The following OR3A2 variants were observed in gnomAD, a reference collection of about 807,000 sequenced individuals.
OR3A2 encodes olfactory receptor family 3 subfamily A member 2, also known as olfactory receptor 3A2.
For missense variants in OR3A2, 318 were observed against 392.8 expected, an observed-to-expected ratio of 0.81 and a Z score of 1.61; for synonymous variants, 126 against 159.3, an observed-to-expected ratio of 0.79 and a Z score of 1.57.
chr17:3,336,569 C>T (rs1463523997), intron 2 of OR3A2, among the ~76,000 whole-genome samples: 1 of 152,082 alleles, frequency 6.6e-6, no homozygotes, highest in Non-Finnish European at 1.5e-5. Flanking sequence ...TTAATGGTAG[C>T]CAACCAAGAG....
chr17:3,326,366 C>G (rs979558340), intron 3 of OR3A2, among the ~76,000 whole-genome samples: 13 of 151,986 alleles, frequency 8.6e-5, no homozygotes, highest in African/African-American at 3.1e-4. Flanking sequence ...AGAAGAAAAT[C>G]TAGGCAATAC....
chr17:3,376,587 G>T (rs1258536461), intron 2 of OR3A2, among the ~76,000 whole-genome samples: 1 of 152,110 alleles, frequency 6.6e-6, no homozygotes, highest in Non-Finnish European at 1.5e-5. Flanking sequence ...GCAGTGACAG[G>T]TGTCACCCAG....
At chr17:3,284,189 G>A (rs926888885) in intron 1 of OR3A2, among the ~76,000 whole-genome samples, 169 bp downstream of exon 3, 4 of 149,376 alleles carry the variant, frequency 2.7e-5, no homozygotes, top group Admixed American at 6.7e-5. Context: ...AGGCGAGCAC[G>A]GGGAAAACCA....
intron 3 of OR3A2, among the ~76,000 whole-genome samples, chr17:3,305,618 T>C (rs1445310921): frequency 6.6e-6 from 1 of 152,198 alleles, no homozygotes; most frequent in East Asian, 1.9e-4. Context: ...AAGTATGCAA[T>C]GGTTAAGTGA....
At chr17:3,289,347 T>C (rs2048843453), upstream of OR3A2, among the ~76,000 whole-genome samples, 1 of 152,210 alleles carries the variant, frequency 6.6e-6, no homozygotes, top group Non-Finnish European at 1.5e-5. Context: ...CCCAAATTGA[T>C]AAAGAAACCG....
At chr17:3,357,562 G>A (rs1319158827) in intron 2 of OR3A2, among the ~76,000 whole-genome samples, 1 of 151,688 alleles carries the variant, frequency 6.6e-6, no homozygotes, top group African/African-American at 2.4e-5. Flanking sequence ...GGGAGGAGAG[G>A]AGAAGGAGAG....
chr17:3,321,516 T>C (rs1009767417), intron 3 of OR3A2, among the ~76,000 whole-genome samples: 2 of 152,086 alleles, frequency 1.3e-5, no homozygotes, highest in African/African-American at 2.4e-5. Flanking sequence ...GGCTGTGGGT[T>C]TGTCATAGAT....
At chr17:3,374,147 G>T (rs1158655399) in intron 2 of OR3A2, among the ~76,000 whole-genome samples, 1 of 152,168 alleles carries the variant, frequency 6.6e-6, no homozygotes, top group Non-Finnish European at 1.5e-5. Flanking sequence ...GGCTTGTAGG[G>T]CTTCTGTTGA....
At chr17:3,374,399 C>T (rs897323545) in intron 2 of OR3A2, among the ~76,000 whole-genome samples, 3 of 152,140 alleles carry the variant, frequency 2.0e-5, no homozygotes, top group African/African-American at 7.2e-5. Context: ...GTTTTCCAAA[C>T]TTTTAGATTT....
At chr17:3,308,580 G>A (rs181457630) in intron 3 of OR3A2, among the ~76,000 whole-genome samples, 7 of 152,276 alleles carry the variant, frequency 4.6e-5, no homozygotes, top group African/African-American at 7.2e-5. Flanking sequence ...CGCTACTCAC[G>A]GGGAGGATGG....
intron 2 of OR3A2, among the ~76,000 whole-genome samples, chr17:3,354,582 A>ATG (rs2049448867): frequency 6.6e-6 from 1 of 151,282 alleles, no homozygotes. Flanking sequence ...TGATCCTTCA[A>ATG]AGTTCCGTGG....
chr17:3,373,892 C>T (rs2150666174), intron 2 of OR3A2, among the ~76,000 whole-genome samples: 1 of 152,122 alleles, frequency 6.6e-6, no homozygotes, highest in Admixed American at 6.5e-5. Flanking sequence ...GTTTTATAGG[C>T]CCTGTGAAAT....
chr17:3,351,955 G>A (rs1457220989), intron 2 of OR3A2, among the ~76,000 whole-genome samples: 1 of 152,162 alleles, frequency 6.6e-6, no homozygotes, highest in Non-Finnish European at 1.5e-5. Context: ...CTTAATAAAT[G>A]GTGCTGGGAA....
At chr17:3,374,562 T>C (rs2049662889) in intron 2 of OR3A2, among the ~76,000 whole-genome samples, 1 of 152,246 alleles carries the variant, frequency 6.6e-6, no homozygotes, top group African/African-American at 2.4e-5. Flanking sequence ...TTCTTCCACC[T>C]GTTTGATTCT....
chr17:3,281,655 TTTG>T (rs1194175872), intron 1 of OR3A2, among the ~76,000 whole-genome samples: 2 of 57,780 alleles, frequency 3.5e-5, no homozygotes, highest in African/African-American at 1.1e-4. Flanking sequence ...GTTTGTTTGT[TTTG>T]TTTTCTCATT....
chr17:3,319,397 T>A (rs2049101587), intron 3 of OR3A2, among the ~76,000 whole-genome samples: 2 of 152,146 alleles, frequency 1.3e-5, no homozygotes, highest in African/African-American at 4.8e-5. Flanking sequence ...TTATTATACT[T>A]TAAGTTTTAG....
At chr17:3,331,508 G>A (rs1210972129) in intron 3 of OR3A2, among the ~76,000 whole-genome samples, 7 of 151,090 alleles carry the variant, frequency 4.6e-5, no homozygotes, top group Non-Finnish European at 4.4e-5. Flanking sequence ...TGATCGCATC[G>A]GCTCCTGAGG....
chr17:3,311,875 AAC>A lies in OR3A2; in HGVS notation c.-85+24156_-85+24157del, dbSNP rs1235362536. On this transcript the variant is annotated intron_variant, in intron 3 of 4. Coordinates refer to the OR3A2 transcript ENST00000573491. The surrounding 1 kb of genome is among the most constrained non-coding windows in gnomAD (Gnocchi z 4.6). The stretch of plus-strand genomic sequence containing the variant: ...GAACCCAGTCATTTACAGCCTCCAG[AAC>A]CCTGATGTGCAGGGCACCCTGAAAA... The A allele has an allele frequency of 6.2e-6, 1 of 161,018 alleles. No individual in the cohort carries two copies. Among genetic ancestry groups the A allele is most frequent in the Non-Finnish European group, 1.4e-5 (1 of 72,176 alleles). 10.0% of individuals were successfully genotyped at this position (161,018 alleles called of 1,614,324 possible).
chr17:3,329,084 T>C (rs889909861), intron 3 of OR3A2, among the ~76,000 whole-genome samples: 2 of 151,590 alleles, frequency 1.3e-5, no homozygotes, highest in Non-Finnish European at 2.9e-5. Context: ...GTGGATATGC[T>C]TTTTGATGTG....
Sources: gnomAD v4.1 joint callset for allele counts (sites outside exome capture counted in the v4.1 genomes callset) on GRCh38, gnomAD v4.1.1 for gene constraint, Gnocchi (gnomAD v3.1) non-coding constraint, MANE v1.5 for transcripts, NCBI Gene and HGNC (gene_info 2026-07-23, HGNC 2026-07-21) for gene names.